Variants in NR6A1 observed in about 807,000 individuals in gnomAD.
NR6A1 encodes the protein nuclear receptor subfamily 6 group A member 1.
Under a neutral mutation model 59.1 loss-of-function variants are expected in NR6A1, and 7 were observed. That is an observed-to-expected ratio of 0.12 (90% CI 0.07 to 0.22). The LOEUF is 0.22. Ranked by LOEUF, NR6A1 falls within the 10% of genes least tolerant of loss-of-function variation. The pLI is 1.00. For missense variants in NR6A1, 468 were observed against 611.6 expected (o/e 0.77, Z 2.48); for synonymous variants, 243 against 236.1 (o/e 1.03, Z -0.27).
chr9:124,529,573 G>A (rs933972172), intron 7 of NR6A1, among the ~76,000 whole-genome samples: 13 of 152,140 alleles, frequency 8.5e-5, no homozygotes. Flanking sequence ...CTAATTCCAA[G>A]CATATGGACT....
intron 2 of NR6A1, among the ~76,000 whole-genome samples, chr9:124,677,296 T>C (rs1342500194): frequency 1.3e-5 from 2 of 152,148 alleles, no homozygotes; most frequent in African/African-American, 4.8e-5. Flanking sequence ...TCTCACTTTG[T>C]CACGCAGGTT....
At chr9:124,729,191 T>C (rs185252854) in intron 2 of NR6A1, among the ~76,000 whole-genome samples, 38 of 152,298 alleles carry the variant, frequency 2.5e-4, no homozygotes, top group Non-Finnish European at 4.0e-4. Context: ...TGCTGTTCTA[T>C]TGAGGGAAAG....
chr9:124,599,523 C>G (rs1044050724), intron 2 of NR6A1: 19 of 578,904 alleles, frequency 3.3e-5, no homozygotes, highest in Admixed American at 7.8e-5. Context: ...TGGTTGGACT[C>G]GTCTTCATTC....
At chr9:124,524,057 T>C (rs559190938) in intron 9 of NR6A1, among the ~76,000 whole-genome samples, 2 of 152,284 alleles carry the variant, frequency 1.3e-5, no homozygotes, top group East Asian at 1.9e-4. Flanking sequence ...CATACATACA[T>C]ACACACACAC....
chr9:124,584,630 G>A (rs757589769), intron 2 of NR6A1, among the ~76,000 whole-genome samples: 2 of 152,128 alleles, frequency 1.3e-5, no homozygotes, highest in Non-Finnish European at 2.9e-5. Context: ...GAACCGCACC[G>A]AAATAAGATG....
intron 2 of NR6A1, among the ~76,000 whole-genome samples, chr9:124,604,096 T>C (rs1366877025): frequency 2.0e-5 from 3 of 152,184 alleles, no homozygotes; most frequent in Non-Finnish European, 4.4e-5. Context: ...GGCAAAGGAA[T>C]CCATTTTTAT....
At chr9:124,587,749 C>G (rs1384587497) in intron 2 of NR6A1, among the ~76,000 whole-genome samples, 1 of 152,172 alleles carries the variant, frequency 6.6e-6, no homozygotes, top group Non-Finnish European at 1.5e-5. Context: ...TCACTAAGAC[C>G]GCAAATTATG....
chr9:124,590,688 T>A (rs912627285), intron 2 of NR6A1, among the ~76,000 whole-genome samples: 4 of 151,990 alleles, frequency 2.6e-5, no homozygotes, highest in African/African-American at 4.8e-5. Flanking sequence ...GGCAGAGAGG[T>A]TGACAACTCC....
chr9:124,742,061 T>C (rs555183587), intron 1 of NR6A1, among the ~76,000 whole-genome samples: 5 of 152,296 alleles, frequency 3.3e-5, no homozygotes, highest in African/African-American at 1.2e-4. Flanking sequence ...TACTTGGTAA[T>C]TTGACTTGAT....
chr9:124,663,242 A>T (rs1047448146), intron 2 of NR6A1, among the ~76,000 whole-genome samples: 1 of 152,238 alleles, frequency 6.6e-6, no homozygotes, highest in Non-Finnish European at 1.5e-5. Context: ...TTAAAAAAAA[A>T]TTTAGAAAGC....
chr9:124,681,086 G>C (rs1161415460), intron 2 of NR6A1, among the ~76,000 whole-genome samples: 2 of 152,110 alleles, frequency 1.3e-5, no homozygotes, highest in African/African-American at 2.4e-5. Flanking sequence ...AAAATATTCT[G>C]TGTGACAAAA....
chr9:124,747,351 C>T (rs983930768), intron 1 of NR6A1, among the ~76,000 whole-genome samples: 1 of 152,050 alleles, frequency 6.6e-6, no homozygotes, highest in African/African-American at 2.4e-5. Flanking sequence ...TGTGCCACCA[C>T]GTCCAGCCTG....
intron 2 of NR6A1, among the ~76,000 whole-genome samples, chr9:124,677,129 C>T (rs1389817926): frequency 1.3e-5 from 2 of 152,028 alleles, no homozygotes; most frequent in African/African-American, 2.4e-5. Flanking sequence ...CCTTAGTGCT[C>T]ATAAACTAGA....
intron 3 of NR6A1, among the ~76,000 whole-genome samples, chr9:124,553,614 C>T (rs1187675904): frequency 7.5e-6 from 1 of 133,534 alleles, no homozygotes; most frequent in Admixed American, 8.1e-5. Context: ...TCTTAATCCA[C>T]ATCCTCGATT....
At chr9:124,531,330 T>C (rs373216769) in intron 7 of NR6A1, among the ~76,000 whole-genome samples, 1 of 152,252 alleles carries the variant, frequency 6.6e-6, no homozygotes, top group African/African-American at 2.4e-5. Context: ...CCCGGTTCAC[T>C]GTCTGATAAC....
At position 124,640,225 on chromosome 9, in the gene NR6A1, G is replaced by C. The variant is rs531192720; in HGVS notation, c.143-85655C>G. Among the ~76,000 whole-genome samples, 261 of 152,270 alleles carry C rather than the reference G, an allele frequency of 1.7e-3. 1 individual carries two copies. The highest frequency in any genetic ancestry group is 3.4e-3 in the Middle Eastern group (1 of 294). On this transcript the variant is annotated intron_variant, in intron 2 of 9. Coordinates refer to ENST00000487099, the MANE Select transcript of NR6A1 (RefSeq NM_033334.4). Reference sequence around the variant, plus strand: ...AAGAAAGATATTTTTAGGATTTAGAGGGAATCTCCTAATGCTCTTCAGATT... The same window carrying C: ...AAGAAAGATATTTTTAGGATTTAGACGGAATCTCCTAATGCTCTTCAGATT...
At chr9:124,601,453 G>A (rs1328081757) in intron 2 of NR6A1, among the ~76,000 whole-genome samples, 5 of 149,758 alleles carry the variant, frequency 3.3e-5, no homozygotes, top group Non-Finnish European at 5.9e-5. Flanking sequence ...GCGTCATGGC[G>A]GGCGCCTGTA....
At chr9:124,613,706 G>C (rs1588710104) in intron 2 of NR6A1, among the ~76,000 whole-genome samples, 1 of 151,972 alleles carries the variant, frequency 6.6e-6, no homozygotes, top group African/African-American at 2.4e-5. Flanking sequence ...TAAAAGAAAA[G>C]CTCAAACTTT....
At chr9:124,568,997 C>G (rs1834360365) in intron 2 of NR6A1, among the ~76,000 whole-genome samples, 1 of 151,740 alleles carries the variant, frequency 6.6e-6, no homozygotes, top group African/African-American at 2.4e-5. Flanking sequence ...CCTGTAGTCC[C>G]AGCTACTCAG....
Sources: allele counts gnomAD v4.1 joint callset (sites outside exome capture counted in the v4.1 genomes callset), GRCh38; gene constraint gnomAD v4.1.1; transcripts MANE v1.5; gene names NCBI Gene and HGNC (gene_info 2026-07-23, HGNC 2026-07-21).